Variants in LRP2 observed in about 807,000 individuals in gnomAD.
LRP2 encodes the protein LDL receptor related protein 2, also known as low-density lipoprotein receptor-related protein 2.
Under a neutral mutation model 531.0 loss-of-function variants are expected in LRP2, and 172 were observed. The observed-to-expected ratio is 0.32, with a 90% CI of 0.29 to 0.37. The LOEUF (loss-of-function observed/expected upper bound fraction) is 0.37, where lower values mean the gene tolerates loss of function less well. Ranked by LOEUF, LRP2 falls within the 10% of genes least tolerant of loss-of-function variation. The pLI is 1.00. For missense variants in LRP2, 5,167 were observed against 5,868.3 expected (o/e 0.88, Z 3.90); for synonymous variants, 1,992 against 2,027.6 (o/e 0.98, Z 0.47).
chr2:169,175,294 C>T lies in LRP2; in HGVS notation c.10667G>A (p.Gly3556Glu). 2 of 1,614,160 alleles carry T rather than the reference C, an allele frequency of 1.2e-6. No homozygotes were observed. The highest frequency in any genetic ancestry group is 1.3e-5 in the African/African-American group (1 of 75,026). The part of the protein sequence containing the change: ...ALCPQRFCRL[G>E]QFQCSDGNCT... ...GTTGCCGTCACTGCACTGGAACTGT[C>T]CCAGTCGGCAGAAGCGCTGCGGGCA... Residue 3556 changes from glycine (G) to glutamate (E), a missense_variant, in exon 55 of 79, where the codon GGA becomes GAA. By Grantham distance (98) the Gly-to-Glu change is moderately conservative. Coordinates refer to ENST00000649046, the MANE Select transcript of LRP2 (RefSeq NM_004525.3).
rs1486807594 is a variant in LRP2 at position 169,212,321 on chromosome 2, T to A, written c.6041-114A>T. On this transcript the variant is annotated intron_variant, in intron 36 of 78. Transcript: ENST00000649046. ...TTATTCTAAAAATTAATAACCAACA[T>A]ATAGTAGCTGAGTTAGCAATCTAAA... 2.2e-6 allele frequency: 3 copies of A among 1,336,744 alleles called. No homozygotes were observed. The African/African-American group carries it at 4.4e-5, about 19-fold the overall frequency. The allele number at this position is 1,336,744 out of a possible 1,614,324, so 82.8% of individuals were successfully genotyped here.
At chr2:169,208,582 G>A (rs1168215694) in intron 38 of LRP2, among the ~76,000 whole-genome samples, 2 of 152,064 alleles carry the variant, frequency 1.3e-5, no homozygotes, top group Non-Finnish European at 1.5e-5. Context: ...TCAGGCTCCT[G>A]AGTAGCTGGG....
Position 169,314,462 on chromosome 2 carries a change from A to T in LRP2, c.310+4300T>A, listed in dbSNP as rs973402550. Among the ~76,000 whole-genome samples, 14 of 152,104 alleles carry T rather than the reference A, an allele frequency of 9.2e-5. No individual in the cohort carries two copies. The South Asian group carries it at 1.9e-3, about 20-fold the overall frequency. ...ATATGTAAAAGATAAGTAGACAGTG[A>T]CAGTTTTCAAGGTGGTACTTGAAAA... On this transcript the variant is annotated intron_variant, in intron 3 of 78. Coordinates refer to ENST00000649046, the MANE Select transcript of LRP2 (RefSeq NM_004525.3).
In LRP2 at chr2:169,241,379, A is replaced by G. The variant is rs1689798912; in HGVS notation, c.3668-14T>C. ...GAGGCCTGGTTGCTAGAAGGAAAACATGGGGTAAATCGGCTTGTGAATGTA... is the reference window on the plus strand; with the variant it reads ...GAGGCCTGGTTGCTAGAAGGAAAACGTGGGGTAAATCGGCTTGTGAATGTA... On this transcript the variant is annotated splice_polypyrimidine_tract_variant and intron_variant, in intron 24 of 78. Coordinates refer to ENST00000649046, the MANE Select transcript of LRP2 (RefSeq NM_004525.3). 4 of 1,613,810 alleles carry G rather than the reference A, an allele frequency of 2.5e-6. No homozygotes were observed. The highest frequency in any genetic ancestry group is 3.4e-6 in the Non-Finnish European group (4 of 1,180,020).
intron 3 of LRP2, among the ~76,000 whole-genome samples, chr2:169,314,131 G>A (rs1022045615): frequency 1.3e-5 from 2 of 152,172 alleles, no homozygotes; most frequent in Non-Finnish European, 2.9e-5. Context: ...TGGCACAGTG[G>A]CTCGTGCCTT....
Position 169,233,294 on chromosome 2 carries a change from G to C in LRP2, c.5098+117C>G, listed in dbSNP as rs928744174. The stretch of plus-strand genomic sequence containing the variant: ...AGTATATAGTGGGGTGGTTTGTAAA[G>C]AGAAAAGGAAAATGTATTGTCCAAA... On this transcript the variant is annotated intron_variant, in intron 30 of 78. Transcript: ENST00000649046. 31 of 1,170,460 alleles carry C rather than the reference G, an allele frequency of 2.6e-5. No homozygotes were observed. The African/African-American group carries it at 4.1e-4, about 15-fold the overall frequency. The allele number at this position is 1,170,460 out of a possible 1,614,324, so 72.5% of individuals were successfully genotyped here.
chr2:169,235,264 G>C (rs1368118544), intron 29 of LRP2, among the ~76,000 whole-genome samples: 1 of 147,694 alleles, frequency 6.8e-6, no homozygotes, highest in Non-Finnish European at 1.5e-5. Flanking sequence ...TTTTGAGATG[G>C]AGTCTCACTC....
chr2:169,325,772 C>T (rs1685031981), intron 1 of LRP2, among the ~76,000 whole-genome samples: 3 of 151,874 alleles, frequency 2.0e-5, no homozygotes, highest in Admixed American at 2.0e-4. Flanking sequence ...CCTTACAGAT[C>T]ATCAAATAGG....
intron 47 of LRP2, 145 bp from the exon 48 acceptor site, chr2:169,192,178 T>C (rs112035455): frequency 1.4e-5 from 8 of 561,414 alleles, no homozygotes; most frequent in Non-Finnish European, 2.5e-5. Context: ...ATTATAATAA[T>C]AGATCATAAT....
At chr2:169,192,181 A>G (rs1202206587) in intron 47 of LRP2, 148 bp from the exon 48 acceptor site, 1 of 559,008 alleles carries the variant, frequency 1.8e-6, no homozygotes, top group Non-Finnish European at 3.1e-6. Flanking sequence ...ATAATAATAG[A>G]TCATAATAAA....
intron 4 of LRP2, among the ~76,000 whole-genome samples, chr2:169,299,020 T>C (rs140368554): frequency 3.1e-3 from 460 of 146,850 alleles, no homozygotes; most frequent in African/African-American, 0.01. Flanking sequence ...TAAAAAGTTA[T>C]ATAAAACCAG....
intron 1 of LRP2, among the ~76,000 whole-genome samples, chr2:169,340,734 T>A (rs1685539975): frequency 6.6e-6 from 1 of 152,136 alleles, no homozygotes; most frequent in African/African-American, 2.4e-5. Context: ...CCACTGCTGG[T>A]TATGTAAGAG....
rs200180922 is a variant in LRP2, at chr2:169,236,020, C to T, written c.4740G>A (p.Glu1580=). ...WSDWGHHPRI[E]RASMDGSMRT... is the part of the protein sequence containing the mutation. ...GCATGCTGCCGTCCATGCTGGCTCG[C>T]TCGATGCGAGGGTGGTGGCCCCAGT... is the stretch of plus-strand genomic sequence containing the variant. The change falls in exon 29 of 79, where the codon GAG becomes GAA. Residue 1580 remains glutamate, a synonymous_variant. Transcript: ENST00000649046. 13 of 1,614,136 alleles carry T rather than the reference C, an allele frequency of 8.1e-6. No homozygotes were observed. Among genetic ancestry groups the T allele is most frequent in the Non-Finnish European group, 1.1e-5 (13 of 1,180,016 alleles).
At chr2:169,329,242 G>C (rs60889754) in intron 1 of LRP2, among the ~76,000 whole-genome samples, 5,596 of 152,234 alleles carry the variant, frequency 0.037, 158 homozygotes, top group East Asian at 0.091. Flanking sequence ...TTTGTGTGTA[G>C]GGTCAAAACA....
At chr2:169,342,516 A>T (rs1190852151) in intron 1 of LRP2, among the ~76,000 whole-genome samples, 1 of 152,176 alleles carries the variant, frequency 6.6e-6, no homozygotes, top group Non-Finnish European at 1.5e-5. Flanking sequence ...AAATCTGAGC[A>T]TTGTACTTCC....
chr2:169,199,537 C>T (rs1574124457), intron 44 of LRP2, among the ~76,000 whole-genome samples: 1 of 152,124 alleles, frequency 6.6e-6, no homozygotes, highest in Non-Finnish European at 1.5e-5. Context: ...TATAAATGCA[C>T]CTCGTCATGT....
chr2:169,269,344 C>T (rs1363467706), intron 16 of LRP2, among the ~76,000 whole-genome samples: 2 of 152,218 alleles, frequency 1.3e-5, no homozygotes, highest in Admixed American at 6.5e-5. Flanking sequence ...CACTACCTGA[C>T]TTCAAGCTAT....
chr2:169,282,028 T>C (rs1425355332), intron 10 of LRP2, among the ~76,000 whole-genome samples: 2 of 152,196 alleles, frequency 1.3e-5, no homozygotes, highest in African/African-American at 4.8e-5. Flanking sequence ...TATCTTCTTA[T>C]AATTTAAAAT....
chr2:169,314,248 A>T (rs3856427), intron 3 of LRP2, among the ~76,000 whole-genome samples: 10,051 of 151,226 alleles, frequency 0.066, 396 homozygotes, highest in Non-Finnish European at 0.088. Flanking sequence ...GAAAAAAAAA[A>T]TAAATTTAGC....
Sources: gnomAD v4.1 joint callset for allele counts (sites outside exome capture counted in the v4.1 genomes callset) on GRCh38, gnomAD v4.1.1 for gene constraint, MANE v1.5 for transcripts, NCBI Gene and HGNC (gene_info 2026-07-23, HGNC 2026-07-21) for gene names.